The following CFAP43 variants were observed in gnomAD, a reference collection of about 807,000 sequenced individuals.
The protein encoded by CFAP43 is cilia- and flagella-associated protein 43.
In CFAP43, 155 loss-of-function variants were observed where a neutral mutation model predicts 218.9. The ratio of observed to expected loss-of-function variants is 0.71; its 90% CI spans 0.62 to 0.81. The LOEUF is 0.81. Among genes scored for constraint, CFAP43 ranks in the 30% least tolerant of loss-of-function variants. CFAP43 has a pLI of 0.00. For missense variants in CFAP43, 1,778 were observed against 1,954.3 expected (o/e 0.91, Z 1.70); for synonymous variants, 645 against 681.3 (o/e 0.95, Z 0.83).
chr10:104,168,338 A>T (rs1311532656), intron 21 of CFAP43, among the ~76,000 whole-genome samples: 1 of 152,240 alleles, frequency 6.6e-6, no homozygotes, highest in Non-Finnish European at 1.5e-5. Flanking sequence ...ACAAAGAGGG[A>T]AATTACATTG....
rs756813024 is a variant in CFAP43, at chr10:104,232,198, C to T, written c.49G>A (p.Ala17Thr). ...ACACCGCACCTCACGGACAAGGACG[C>T]GCCGCCGGCGGAGTGGGGGCCTTCG... Reference protein sequence around the residue: ...RDEGPHSAGGASLSVRWVQGF... With the variant: ...RDEGPHSAGGTSLSVRWVQGF... The change falls in exon 1 of 38, where the codon GCG (alanine) becomes ACG (threonine). Residue 17 changes from alanine to threonine, a missense_variant. Transcript: ENST00000357060. 16 of 1,609,262 alleles carry T rather than the reference C, an allele frequency of 9.9e-6. No homozygotes were observed. The African/African-American group carries it at 2.0e-4, about 20-fold the overall frequency.
intron 34 of CFAP43, among the ~76,000 whole-genome samples, chr10:104,134,684 GT>G (rs1166303857): frequency 1.3e-5 from 2 of 151,866 alleles, no homozygotes; most frequent in Non-Finnish European, 1.5e-5. Flanking sequence ...AATTCAAAAA[GT>G]AATAGAAAAT....
chr10:104,192,951 C>T (rs1292184342), intron 11 of CFAP43: 1 of 152,362 alleles, frequency 6.6e-6, no homozygotes, highest in African/African-American at 2.4e-5. Context: ...CTCTCTAACC[C>T]TGAATTCCCT....
At chr10:104,203,588 T>C in intron 8 of CFAP43, 84 bp downstream of exon 8, 2 of 1,375,398 alleles carry the variant, frequency 1.5e-6, no homozygotes, top group East Asian at 2.4e-5. Flanking sequence ...CTGTGCAGCA[T>C]ACTCTGCTCC....
At chr10:104,199,950 G>A (rs2090483723) in intron 8 of CFAP43, among the ~76,000 whole-genome samples, 1 of 152,044 alleles carries the variant, frequency 6.6e-6, no homozygotes, top group Non-Finnish European at 1.5e-5. Flanking sequence ...TTTTATTGGG[G>A]GGTCTGAAGA....
In CFAP43 at chr10:104,185,077, C is replaced by CT; in HGVS notation, c.2079_2080insA (p.Asp694ArgfsTer12). On this transcript the variant is annotated frameshift_variant, in exon 16 of 38. Transcript: ENST00000357060. LOFTEE classifies it high-confidence loss of function. ...CCATTCACCAGAATGTTTTGTCCAT[C>CT]CATTGAAATTCTCATTGACTGAATC... 1.2e-6 allele frequency: 2 copies of CT among 1,614,156 alleles called. No homozygotes were observed. The highest frequency in any genetic ancestry group is 1.7e-6 in the Non-Finnish European group (2 of 1,180,034).
intron 14 of CFAP43, among the ~76,000 whole-genome samples, 200 bp downstream of exon 14, chr10:104,187,120 A>G (rs1283034630): frequency 6.6e-6 from 1 of 152,240 alleles, no homozygotes; most frequent in Non-Finnish European, 1.5e-5. Flanking sequence ...TGGCACAAGT[A>G]TCAGGTTGCT....
Position 104,230,723 on chromosome 10 carries a change from C to T in CFAP43, c.186G>A (p.Gln62=). ...TGACGCCCACAATTCCATTACTACA[C>T]TGCAGTACAGTCTTTTTCTTGGTTT... ...NIETKKKTVL[Q]CSNGIVGVMA... Residue 62 remains glutamine, a synonymous_variant, in exon 2 of 38, where the codon CAG becomes CAA. Transcript: ENST00000357060. The T allele has an allele frequency of 6.2e-7, 1 of 1,614,092 alleles. No individual in the cohort carries two copies. The highest frequency in any genetic ancestry group is 8.5e-7 in the Non-Finnish European group (1 of 1,180,022).
intron 27 of CFAP43, among the ~76,000 whole-genome samples, chr10:104,160,799 G>A (rs143352395): frequency 3.1e-4 from 47 of 152,186 alleles, no homozygotes; most frequent in Middle Eastern, 3.4e-3. Context: ...GTAATGACAC[G>A]GGAAATGCTG....
Position 104,193,905 on chromosome 10 carries a change from T to TG in CFAP43, c.1402dup (p.His468ProfsTer16). ...GGACGATTCCGAGAGAAAGGCCTTGTGCACGACCTGAGGGGATTCCTTATC... is the reference window on the plus strand; with the variant it reads ...GGACGATTCCGAGAGAAAGGCCTTGTGGCACGACCTGAGGGGATTCCTTATC... On this transcript the variant is annotated frameshift_variant, in exon 11 of 38. Transcript: ENST00000357060. LOFTEE classifies it high-confidence loss of function. The TG allele has an allele frequency of 6.2e-7, 1 of 1,614,130 alleles. No individual in the cohort carries two copies. Among genetic ancestry groups the TG allele is most frequent in the Non-Finnish European group, 8.5e-7 (1 of 1,180,010 alleles).
At chr10:104,205,551 C>T (rs1051566044) in intron 7 of CFAP43, among the ~76,000 whole-genome samples, 2 of 152,150 alleles carry the variant, frequency 1.3e-5, no homozygotes, top group Non-Finnish European at 2.9e-5. Flanking sequence ...TCAACAATAA[C>T]ATTATGATAC....
chr10:104,193,569 T>A (rs747731467), intron 11 of CFAP43: 2 of 309,326 alleles, frequency 6.5e-6, no homozygotes, highest in African/African-American at 2.1e-5. Context: ...ACACACATGA[T>A]GGCCATTGAT....
intron 3 of CFAP43, among the ~76,000 whole-genome samples, chr10:104,225,135 G>T (rs887957897): frequency 1.3e-5 from 2 of 151,916 alleles, no homozygotes; most frequent in Non-Finnish European, 2.9e-5. Context: ...ATATTAGCAG[G>T]AAACATACGA....
In CFAP43 at chr10:104,129,890, C is replaced by T. The variant is rs1251183950; in HGVS notation, c.*249G>A. On this transcript the variant is annotated 3_prime_UTR_variant, in exon 38 of 38. Transcript: ENST00000357060. Reference sequence around the variant, plus strand: ...AAATGAGTAAAATAGATCTTGAATACTTTCTGACTTCAAGTCTTGTTTATT... The same window carrying T: ...AAATGAGTAAAATAGATCTTGAATATTTTCTGACTTCAAGTCTTGTTTATT... The T allele has an allele frequency of 2.7e-6, 1 of 364,226 alleles. No individual in the cohort carries two copies. Among genetic ancestry groups the T allele is most frequent in the African/African-American group, 2.1e-5 (1 of 46,730 alleles). 22.6% of individuals were successfully genotyped at this position (364,226 alleles called of 1,614,324 possible). A position where few individuals can be genotyped will look rare whatever the true frequency, so the allele number is the denominator to read the frequency against.
chr10:104,133,971 T>C (rs1170283914), intron 34 of CFAP43, among the ~76,000 whole-genome samples, 187 bp from the exon 35 acceptor site: 1 of 152,240 alleles, frequency 6.6e-6, no homozygotes, highest in African/African-American at 2.4e-5. Flanking sequence ...TGATAGTCAC[T>C]AAACAGAAGG....
intron 27 of CFAP43, among the ~76,000 whole-genome samples, chr10:104,157,462 T>C (rs1005050851): frequency 2.0e-5 from 3 of 152,150 alleles, no homozygotes; most frequent in African/African-American, 7.2e-5. Flanking sequence ...TTCCCTTAAA[T>C]GTTGTTACCA....
intron 5 of CFAP43, among the ~76,000 whole-genome samples, chr10:104,210,601 C>T (rs1294779209): frequency 6.6e-6 from 1 of 152,058 alleles, no homozygotes; most frequent in African/African-American, 2.4e-5. Context: ...TCCCTTCATC[C>T]CAAAGGTCTT....
chr10:104,141,796 A>AGAAG (rs1181633842), intron 33 of CFAP43, among the ~76,000 whole-genome samples: 1 of 152,204 alleles, frequency 6.6e-6, no homozygotes, highest in African/African-American at 2.4e-5. Flanking sequence ...GGAACATCAG[A>AGAAG]GAAGTATTTA....
At chr10:104,165,448 G>A (rs977515907) in intron 23 of CFAP43, among the ~76,000 whole-genome samples, 10 of 152,334 alleles carry the variant, frequency 6.6e-5, no homozygotes, top group African/African-American at 2.4e-4. Context: ...AAATAGCTCT[G>A]AGTGTAAATG....
Sources: gnomAD v4.1 joint callset for allele counts (sites outside exome capture counted in the v4.1 genomes callset) on GRCh38, gnomAD v4.1.1 for gene constraint, MANE v1.5 for transcripts, NCBI Gene and HGNC (gene_info 2026-07-23, HGNC 2026-07-21) for gene names.